The following VPS53 variants were observed in gnomAD, a reference collection of about 807,000 sequenced individuals.
VPS53 encodes the protein VPS53 subunit of GARP complex, also known as vacuolar protein sorting-associated protein 53 homolog.
A neutral mutation model predicts 107.0 loss-of-function variants in VPS53; 70 were observed. The ratio of observed to expected loss-of-function variants is 0.65; its 90% CI spans 0.54 to 0.80. VPS53 has a LOEUF of 0.80. Among genes scored for constraint, VPS53 ranks in the 30% least tolerant of loss-of-function variants. VPS53 has a pLI of 0.00. For synonymous variants in VPS53, 409 were observed against 393.3 expected, an observed-to-expected ratio of 1.04 and a Z score of -0.47; for missense variants, 917 against 1,049.4, an observed-to-expected ratio of 0.87 and a Z score of 1.74.
At chr17:665,184 T>A (rs921517219) in intron 4 of VPS53, among the ~76,000 whole-genome samples, 1 of 152,122 alleles carries the variant, frequency 6.6e-6, no homozygotes, top group Non-Finnish European at 1.5e-5. Flanking sequence ...GATAAAAGGA[T>A]CTGTTCAGCC....
Position 661,296 on chromosome 17 carries a change from C to T in VPS53, c.372+513G>A, listed in dbSNP as rs1234205963. 2.0e-5 allele frequency among the ~76,000 whole-genome samples: 3 copies of T among 151,634 alleles called. No homozygotes were observed. In the South Asian group the frequency reaches 6.2e-4, roughly 32 times the overall value. ...CAGCACTTTGGGAGGCCGAGGCGGG[C>T]GGATCATGAGGTCAAGAGATTGAGA... On this transcript the variant is annotated intron_variant, in intron 5 of 21. Coordinates refer to ENST00000437048, the MANE Select transcript of VPS53 (RefSeq NM_001128159.3).
intron 18 of VPS53, among the ~76,000 whole-genome samples, chr17:534,960 T>G (rs1909912919): frequency 6.7e-6 from 1 of 149,108 alleles, no homozygotes; most frequent in African/African-American, 2.5e-5. Flanking sequence ...CTGAACTGGC[T>G]CTCTATACTA....
At chr17:591,605 C>T (rs1336523674) in intron 12 of VPS53, among the ~76,000 whole-genome samples, 1 of 152,148 alleles carries the variant, frequency 6.6e-6, no homozygotes, top group Non-Finnish European at 1.5e-5. Flanking sequence ...TTTCAAAGAA[C>T]ATCTTTATTT....
intron 5 of VPS53, among the ~76,000 whole-genome samples, chr17:659,377 A>C (rs1597451356): frequency 1.3e-5 from 2 of 152,192 alleles, no homozygotes; most frequent in South Asian, 4.2e-4. Context: ...TCCACTTCCC[A>C]GGCAAGCGAT....
intron 12 of VPS53, among the ~76,000 whole-genome samples, chr17:593,835 TG>T (rs1422068217): frequency 6.6e-6 from 1 of 152,226 alleles, no homozygotes; most frequent in Non-Finnish European, 1.5e-5. Context: ...CTATAAATCA[TG>T]CTGCTATAAA....
At chr17:528,754 A>T (rs945849440) in intron 19 of VPS53, among the ~76,000 whole-genome samples, 7 of 151,900 alleles carry the variant, frequency 4.6e-5, no homozygotes, top group African/African-American at 1.5e-4. Context: ...GCACACCACC[A>T]TGTACAGCTA....
chr17:536,902 G>T (rs1910121942), intron 18 of VPS53, 126 bp downstream of exon 18: 5 of 1,217,252 alleles, frequency 4.1e-6, no homozygotes, highest in African/African-American at 3.0e-5. Flanking sequence ...GCATGTTGGG[G>T]GGGTCAGGTA....
intron 7 of VPS53, among the ~76,000 whole-genome samples, chr17:637,603 AT>A (rs1254407470): frequency 6.6e-6 from 1 of 152,178 alleles, no homozygotes; most frequent in African/African-American, 2.4e-5. Flanking sequence ...TGTCCCAGAG[AT>A]TCTGGTATGT....
intron 19 of VPS53, chr17:531,945 GTT>G (rs145507855): frequency 1.9e-4 from 15 of 78,520 alleles, no homozygotes; most frequent in East Asian, 2.9e-4. Flanking sequence ...CTGGCTAATT[GTT>G]TTTTTTTTTT....
chr17:581,245 C>T (rs1397867233), intron 13 of VPS53, among the ~76,000 whole-genome samples: 1 of 151,738 alleles, frequency 6.6e-6, no homozygotes, highest in Non-Finnish European at 1.5e-5. Flanking sequence ...AGAGAACTTC[C>T]CTCAGGATCT....
In VPS53 at chr17:560,552, T is replaced by G. The variant is rs1273610063; in HGVS notation, c.1578A>C (p.Gly526=). 2 of 1,613,928 alleles carry G rather than the reference T, an allele frequency of 1.2e-6. No homozygotes were observed. The highest frequency in any genetic ancestry group is 2.7e-5 in the African/African-American group (2 of 74,892). The change falls in exon 15 of 22, where the codon GGA becomes GGC. Residue 526 remains glycine (G), a synonymous_variant. Transcript: ENST00000437048. Reference sequence around the variant, plus strand: ...CCTTGAGGAGGCTGCTGATAGTCAGTCCTCCACTGCTGGTTGTGGTTCTGA... The same window carrying G: ...CCTTGAGGAGGCTGCTGATAGTCAGGCCTCCACTGCTGGTTGTGGTTCTGA... ...NLPKTTTSSG[G]LTISSLLKEK...
At position 667,781 on chromosome 17, in the gene VPS53, A is replaced by C. The variant is rs189880853; in HGVS notation, c.286-5886T>G. 9.9e-4 allele frequency among the ~76,000 whole-genome samples: 150 copies of C among 152,180 alleles called. 1 individual carries two copies. Among genetic ancestry groups the C allele is most frequent in the African/African-American group, 3.4e-3 (140 of 41,536 alleles). On this transcript the variant is annotated intron_variant, in intron 4 of 21. Transcript: ENST00000437048. ...AGCACCAGTCCGTGGCCTGTTGGGA[A>C]CTGGGCCGCACAGCAGGAGGTGAGC... is the stretch of plus-strand genomic sequence containing the variant.
intron 13 of VPS53, among the ~76,000 whole-genome samples, chr17:563,318 A>G (rs902602279): frequency 7.7e-6 from 1 of 130,082 alleles, no homozygotes; most frequent in Non-Finnish European, 1.6e-5. Context: ...TTTTTGAGAC[A>G]GAGTCTTGCT....
At chr17:660,785 C>T (rs1404001611) in intron 5 of VPS53, among the ~76,000 whole-genome samples, 1 of 152,260 alleles carries the variant, frequency 6.6e-6, no homozygotes, top group Non-Finnish European at 1.5e-5. Context: ...GCTCTTCATA[C>T]GTTTAATTCT....
intron 13 of VPS53, among the ~76,000 whole-genome samples, chr17:571,040 TG>T (rs1913990550): frequency 6.6e-6 from 1 of 152,118 alleles, no homozygotes; most frequent in African/African-American, 2.4e-5. Flanking sequence ...AAGTACAGGT[TG>T]GGCACAGTGG....
chr17:661,101 C>A (rs957207210), intron 5 of VPS53, among the ~76,000 whole-genome samples: 6 of 152,080 alleles, frequency 3.9e-5, no homozygotes, highest in Admixed American at 1.3e-4. Context: ...GGCTCCAGGA[C>A]CATTCTCAGC....
chr17:704,226 C>T (rs1260749114), intron 2 of VPS53, among the ~76,000 whole-genome samples: 1 of 152,122 alleles, frequency 6.6e-6, no homozygotes, highest in Non-Finnish European at 1.5e-5. Context: ...ACTATTTAAA[C>T]CCCACAGGCA....
At chr17:632,911 T>C in intron 7 of VPS53, 1 of 384,962 alleles carries the variant, frequency 2.6e-6, no homozygotes, top group East Asian at 7.5e-5. Flanking sequence ...TTTTCTAAGG[T>C]AAAAACAAAA....
intron 11 of VPS53, among the ~76,000 whole-genome samples, chr17:618,913 G>A (rs1323958840): frequency 6.8e-6 from 1 of 146,064 alleles, no homozygotes; most frequent in East Asian, 2.1e-4. Flanking sequence ...ATATTTTCTG[G>A]GTAGCTGGGA....
Sources: allele counts gnomAD v4.1 joint callset (sites outside exome capture counted in the v4.1 genomes callset), GRCh38; gene constraint gnomAD v4.1.1; transcripts MANE v1.5; gene names NCBI Gene and HGNC (gene_info 2026-07-23, HGNC 2026-07-21).